The following ERMARD variants were observed in gnomAD, a reference collection of about 807,000 sequenced individuals.
ERMARD encodes the protein ER membrane associated RNA degradation, also known as endoplasmic reticulum membrane-associated RNA degradation protein.
A neutral mutation model predicts 83.9 loss-of-function variants in ERMARD; 71 were observed. The observed-to-expected ratio is 0.85, with a 90% CI of 0.70 to 1.03. ERMARD has a LOEUF of 1.03. Among genes scored for constraint, ERMARD ranks in the 50% least tolerant of loss-of-function variants. The pLI is 0.00. For missense variants in ERMARD, 838 were observed against 810.9 expected (o/e 1.03, Z -0.41); for synonymous variants, 284 against 298.6 (o/e 0.95, Z 0.50).
At chr6:169,779,074 G>T in intron 16 of ERMARD, 108 bp from the exon 17 acceptor site, 2 of 976,642 alleles carry the variant, frequency 2.0e-6, no homozygotes, top group South Asian at 2.8e-5. Flanking sequence ...ATTATTTTTT[G>T]AGAAGTTGGG....
intron 9 of ERMARD, among the ~76,000 whole-genome samples, chr6:169,766,325 A>G (rs1485183450): frequency 2.6e-5 from 4 of 152,246 alleles, no homozygotes; most frequent in African/African-American, 7.2e-5. Context: ...CGTCAGGAGA[A>G]GTATTCTGTT....
At chr6:169,756,503 T>C in intron 4 of ERMARD, 64 bp downstream of exon 4, 10 of 1,237,138 alleles carry the variant, frequency 8.1e-6, no homozygotes, top group Non-Finnish European at 1.2e-5. Context: ...GAAACTATTT[T>C]ACAGTTGTCC....
At position 169,762,405 on chromosome 6, in the gene ERMARD, C is replaced by T. The variant is rs537897942; in HGVS notation, c.858-24C>T. 4.5e-5 allele frequency: 72 copies of T among 1,585,966 alleles called. No individual in the cohort carries two copies. The South Asian group carries it at 7.8e-4, about 17-fold the overall frequency. On this transcript the variant is annotated intron_variant, in intron 8 of 17. Coordinates refer to ENST00000366773, the MANE Select transcript of ERMARD (RefSeq NM_018341.3). Reference sequence around the variant, plus strand: ...TTTATTTTTGAAATGTGGAGTTTTACCTCTTTTCCCTTCAATTTCATAGGT... The same window carrying T: ...TTTATTTTTGAAATGTGGAGTTTTATCTCTTTTCCCTTCAATTTCATAGGT...
In ERMARD at chr6:169,774,380, AG is replaced by A. The variant is rs201516632; in HGVS notation, c.1318-889del. Among the ~76,000 whole-genome samples the A allele has an allele frequency of 1.1e-4, 16 of 152,250 alleles. No individual in the cohort carries two copies. In the East Asian group the frequency reaches 3.1e-3, roughly 29 times the overall value. On this transcript the variant is annotated intron_variant, in intron 13 of 17. Coordinates refer to ENST00000366773, the MANE Select transcript of ERMARD (RefSeq NM_018341.3). ...GTTGGCGCTGTGGACCAGCTTTACC[AG>A]TGGGGATGCCGTGCTTTCCAAGAGC...
At position 169,769,533 on chromosome 6, in the gene ERMARD, C is replaced by A; in HGVS notation, c.1060-7C>A. 1 of 1,593,686 alleles carries A rather than the reference C, an allele frequency of 6.3e-7. No homozygotes were observed. On this transcript the variant is annotated splice_region_variant and splice_polypyrimidine_tract_variant and intron_variant, in intron 11 of 17. Transcript: ENST00000366773. Reference sequence around the variant, plus strand: ...ACAAAATATTTTCTCTGTTTAATTTCTGAAAGGAATTTCTCTGGGATTTCC... The same window carrying A: ...ACAAAATATTTTCTCTGTTTAATTTATGAAAGGAATTTCTCTGGGATTTCC...
At chr6:169,765,865 A>C (rs150597531) in intron 9 of ERMARD, among the ~76,000 whole-genome samples, 65 of 100,182 alleles carry the variant, frequency 6.5e-4, no homozygotes, top group African/African-American at 3.1e-3. Context: ...CATGCTGTCA[A>C]ATCTCACTGA....
At chr6:169,764,827 C>T (rs957088896) in intron 9 of ERMARD, among the ~76,000 whole-genome samples, 2 of 152,184 alleles carry the variant, frequency 1.3e-5, no homozygotes, top group African/African-American at 2.4e-5. Context: ...CCAGATTTTC[C>T]GCTCCAGGTC....
Position 169,781,366 on chromosome 6 carries a change from G to A in ERMARD, c.1890G>A (p.Leu630=). ...VKSILQYTEN[L]VAYTSYEKNK... The stretch of plus-strand genomic sequence containing the variant: ...CGATCTTGCAGTACACGGAGAACCT[G>A]GTGGCTTACACCAGTTACGAAAAGA... The change falls in exon 18 of 18, where the codon CTG becomes CTA. Residue 630 remains leucine (L), a synonymous_variant. Coordinates refer to ENST00000366773, the MANE Select transcript of ERMARD (RefSeq NM_018341.3). The A allele has an allele frequency of 6.2e-7, 1 of 1,611,280 alleles. No individual in the cohort carries two copies. The highest frequency in any genetic ancestry group is 8.5e-7 in the Non-Finnish European group (1 of 1,179,408).
At position 169,755,517 on chromosome 6, in the gene ERMARD, C is replaced by T. The variant is rs555734851; in HGVS notation, c.315+95C>T. The stretch of plus-strand genomic sequence containing the variant: ...CAATTTTAAAGGGGCCTCCTTCATC[C>T]CCAGGCCCTCCAGCGGTGAAGTGTT... On this transcript the variant is annotated intron_variant, in intron 3 of 17. Coordinates refer to ENST00000366773, the MANE Select transcript of ERMARD (RefSeq NM_018341.3). 1,572 of 1,475,702 alleles carry T rather than the reference C, an allele frequency of 1.1e-3. 14 individuals carry two copies. Among genetic ancestry groups the T allele is most frequent in the Non-Finnish European group, 1.7e-4 (180 of 1,087,104 alleles). 91.4% of individuals were successfully genotyped at this position (1,475,702 alleles called of 1,614,324 possible). A position where few individuals can be genotyped will look rare whatever the true frequency, so the allele number is the denominator to read the frequency against.
intron 12 of ERMARD, chr6:169,773,029 C>T (rs1411433745): frequency 1.8e-5 from 6 of 330,984 alleles, no homozygotes; most frequent in Non-Finnish European, 2.7e-5. Flanking sequence ...GTTACATTTC[C>T]AATTGTTTGG....
At chr6:169,751,492 C>G (rs752499324), upstream of ERMARD, 130 of 1,611,648 alleles carry the variant, frequency 8.1e-5, no homozygotes, top group Non-Finnish European at 9.3e-6. Flanking sequence ...CACCGCCTCC[C>G]CTTCACCGCC....
At chr6:169,774,847 C>T (rs1445549082) in intron 13 of ERMARD, among the ~76,000 whole-genome samples, 1 of 137,352 alleles carries the variant, frequency 7.3e-6, no homozygotes, top group Non-Finnish European at 1.6e-5. Context: ...CAGGGACAGT[C>T]CCAAGGTGAC....
At chr6:169,767,882 C>T in intron 10 of ERMARD, 1 of 568,378 alleles carries the variant, frequency 1.8e-6, no homozygotes, top group Non-Finnish European at 3.1e-6. Context: ...TACACAAACA[C>T]ACATGTGTAT....
At chr6:169,751,750 C>A in intron 1 of ERMARD, 87 bp downstream of exon 1, 2 of 1,438,770 alleles carry the variant, frequency 1.4e-6, no homozygotes, top group Non-Finnish European at 1.8e-6. Context: ...GCGGAGTGGG[C>A]GAGCGAGCAC....
In ERMARD at chr6:169,776,392, A is replaced by G. The variant is rs568136827; in HGVS notation, c.1521-63A>G. The stretch of plus-strand genomic sequence containing the variant: ...CAGAAAGCCGCAGCCTTGCAGGTGC[A>G]GAAGGAGAGTGAGGCCCAGGTGAGG... On this transcript the variant is annotated intron_variant, in intron 15 of 17. Transcript: ENST00000366773. 88 of 1,573,592 alleles carry G rather than the reference A, an allele frequency of 5.6e-5. No homozygotes were observed. In the African/African-American group the frequency reaches 1.1e-3, roughly 20 times the overall value.
At chr6:169,769,516 T>G in intron 11 of ERMARD, 24 bp from the exon 12 acceptor site, 6 of 1,586,708 alleles carry the variant, frequency 3.8e-6, no homozygotes, top group Non-Finnish European at 4.3e-6. Context: ...TAACAAAATA[T>G]TTTCTCTGTT....
chr6:169,755,589 C>T (rs1790708603), intron 3 of ERMARD, 167 bp downstream of exon 3: 1 of 741,484 alleles, frequency 1.3e-6, no homozygotes, highest in Non-Finnish European at 2.1e-6. Flanking sequence ...TCTCCAAAGC[C>T]TGAGCTGAGA....
intron 9 of ERMARD, among the ~76,000 whole-genome samples, chr6:169,762,938 A>G (rs1381032713): frequency 1.3e-5 from 2 of 152,156 alleles, no homozygotes; most frequent in African/African-American, 4.8e-5. Context: ...TGGAAGACGT[A>G]GGATTTGGAG....
intron 9 of ERMARD, among the ~76,000 whole-genome samples, chr6:169,764,244 T>C (rs1791915100): frequency 6.6e-6 from 1 of 151,778 alleles, no homozygotes; most frequent in Admixed American, 6.6e-5. Context: ...CTGCTGATTC[T>C]TTTTTTTAGT....
Sources: allele counts gnomAD v4.1 joint callset (sites outside exome capture counted in the v4.1 genomes callset), GRCh38; gene constraint gnomAD v4.1.1; transcripts MANE v1.5; gene names NCBI Gene and HGNC (gene_info 2026-07-23, HGNC 2026-07-21).